AQP2: variants seen among roughly 807,000 people sequenced by gnomAD.
The protein encoded by AQP2 is aquaporin-2.
AQP2 carries 20 observed loss-of-function variants against 21.6 expected under a neutral mutation model. The observed-to-expected ratio is 0.92, with a 90% CI of 0.65 to 1.34. AQP2 has a LOEUF of 1.34. Among genes scored for constraint, AQP2 ranks in the 40% most tolerant of loss-of-function variants. The pLI is 0.00. For synonymous variants in AQP2, 168 were observed against 166.9 expected (o/e 1.01, Z -0.05); for missense variants, 325 against 363.4 (o/e 0.89, Z 0.86).
At position 49,957,658 on chromosome 12, in the gene AQP2, G is replaced by A. The variant is rs1947382287; in HGVS notation, c.*2050G>A. 1 of 152,216 alleles carries A rather than the reference G, an allele frequency of 6.6e-6. No individual in the cohort carries two copies. Among genetic ancestry groups the A allele is most frequent in the Admixed American group, 6.5e-5 (1 of 15,282 alleles). 9.4% of individuals were successfully genotyped at this position (152,216 alleles called of 1,614,324 possible). On this transcript the variant is annotated 3_prime_UTR_variant, in exon 4 of 4. Transcript: ENST00000199280. The stretch of plus-strand genomic sequence containing the variant: ...TGCCCTGGGCCATATGTGCTATGGA[G>A]AGGACTCTCCCAAACCCCCAATAGC...
chr12:49,951,261 AG>A, intron 1 of AQP2, 71 bp downstream of exon 1: 1 of 1,514,586 alleles, frequency 6.6e-7, no homozygotes, highest in Admixed American at 2.1e-5. Context: ...ATGAGATGGG[AG>A]GGATGGGCTC....
At position 49,955,574 on chromosome 12, in the gene AQP2, C is replaced by T. The variant is rs376000406; in HGVS notation, c.782C>T (p.Ser261Leu). ...CGGCGGCAGTCGGTGGAGCTGCACT[C>T]GCCGCAGAGCCTGCCACGGGGTACC... Reference protein sequence around the residue: ...VRRRQSVELHSPQSLPRGTKA With the variant: ...VRRRQSVELHLPQSLPRGTKA Residue 261 changes from serine (S) to leucine (L), a missense_variant, in exon 4 of 4, where the codon TCG (serine) becomes TTG (leucine). Transcript: ENST00000199280. 3.5e-5 allele frequency: 55 copies of T among 1,587,794 alleles called. No homozygotes were observed. Among genetic ancestry groups the T allele is most frequent in the African/African-American group, 5.4e-5 (4 of 74,440 alleles).
In AQP2 at chr12:49,954,209, C is replaced by T; in HGVS notation, c.415C>T (p.Leu139=). 2 of 1,603,298 alleles carry T rather than the reference C, an allele frequency of 1.2e-6. No homozygotes were observed. Among genetic ancestry groups the T allele is most frequent in the Non-Finnish European group, 1.7e-6 (2 of 1,179,970 alleles). ...GGTGACTGTGGAGCTCTTCCTGACA[C>T]TGCAGCTGGTGCTCTGCATCTTCGC... ...QAVTVELFLT[L]QLVLCIFAST... is the part of the protein sequence containing the mutation. The change falls in exon 2 of 4, where the codon CTG becomes TTG. Residue 139 remains leucine, a synonymous_variant. Coordinates refer to ENST00000199280, the MANE Select transcript of AQP2 (RefSeq NM_000486.6).
chr12:49,953,905 T>G lies in AQP2; in HGVS notation c.361-250T>G, dbSNP rs61926092. ...CTCCCAGCCTCAGGCCCCAATCTAA[T>G]GGGCTACAGAGTCAGTTTTGCTACC... On this transcript the variant is annotated intron_variant, in intron 1 of 3. Coordinates refer to ENST00000199280, the MANE Select transcript of AQP2 (RefSeq NM_000486.6). Among the ~76,000 whole-genome samples the G allele has an allele frequency of 0.19, 28,974 of 151,964 alleles. 3,047 individuals are homozygous for G. The highest frequency in any genetic ancestry group is 0.38 in the East Asian group (1,942 of 5,136).
chr12:49,951,384 C>A, intron 1 of AQP2, 194 bp downstream of exon 1: 1 of 784,230 alleles, frequency 1.3e-6, no homozygotes, highest in Non-Finnish European at 1.9e-6. Context: ...CAGAGCAAAG[C>A]AGGATGCAGA....
rs577861581 is a variant in AQP2, at chr12:49,956,571, C to T, written c.*963C>T. 2.6e-4 allele frequency: 40 copies of T among 152,254 alleles called. No individual in the cohort carries two copies. Among genetic ancestry groups the T allele is most frequent in the African/African-American group, 8.4e-4 (35 of 41,532 alleles). 9.4% of individuals were successfully genotyped at this position (152,254 alleles called of 1,614,324 possible). On this transcript the variant is annotated 3_prime_UTR_variant, in exon 4 of 4. Transcript: ENST00000199280. Reference sequence around the variant, plus strand: ...CCCAGAGATTAGCCTCCCACTTCGGCGCAGAAAACAAAAGCCCTTTGTGGG... The same window carrying T: ...CCCAGAGATTAGCCTCCCACTTCGGTGCAGAAAACAAAAGCCCTTTGTGGG...
rs1181198367 is a variant in AQP2 at position 49,954,330 on chromosome 12, G to A, written c.525+11G>A. ...GGCCACCTCCTTGGGGTAGGTCATG[G>A]CCATGGGTTCCAGCCTCCCTGGAGG... On this transcript the variant is annotated intron_variant, in intron 2 of 3. Transcript: ENST00000199280. The A allele has an allele frequency of 6.2e-7, 1 of 1,606,660 alleles. No individual in the cohort carries two copies. Among genetic ancestry groups the A allele is most frequent in the Admixed American group, 1.7e-5 (1 of 59,562 alleles).
intron 1 of AQP2, 66 bp from the exon 2 acceptor site, chr12:49,954,089 A>G: frequency 1.3e-6 from 2 of 1,589,986 alleles, no homozygotes; most frequent in African/African-American, 1.3e-5. Flanking sequence ...GCAGGTGGAC[A>G]GGAAGATGGA....
intron 3 of AQP2, 57 bp from the exon 4 acceptor site, chr12:49,955,342 G>A: frequency 1.9e-6 from 3 of 1,567,044 alleles, no homozygotes; most frequent in Non-Finnish European, 2.6e-6. Context: ...GGGGCCTGCG[G>A]GCTCCGCGTG....
intron 1 of AQP2, chr12:49,951,512 G>A: frequency 2.7e-6 from 1 of 363,688 alleles, no homozygotes. Context: ...AGGGGTTGGT[G>A]TCCCGAGCAG....
chr12:49,951,281 G>A, intron 1 of AQP2, 91 bp downstream of exon 1: 1 of 1,463,862 alleles, frequency 6.8e-7, no homozygotes, highest in Non-Finnish European at 9.1e-7. Flanking sequence ...TCTGGGTGAT[G>A]TAGGGAGAGA....
At chr12:49,954,779 A>G in intron 3 of AQP2, 69 bp downstream of exon 3, 1 of 1,524,842 alleles carries the variant, frequency 6.6e-7, no homozygotes, top group Non-Finnish European at 9.1e-7. Flanking sequence ...AAGAGCTGGA[A>G]TAGCATGGGA....
chr12:49,951,003 C>A lies in AQP2; in HGVS notation c.173C>A (p.Ala58Asp). 1 of 1,614,122 alleles carries A rather than the reference C, an allele frequency of 6.2e-7. No homozygotes were observed. The highest frequency in any genetic ancestry group is 8.5e-7 in the Non-Finnish European group (1 of 1,180,044). ...TTGGGTATTGGCACCCTGGTACAGG[C>A]TCTGGGCCACATAAGCGGGGCCCAC... ...FGLGIGTLVQ[A>D]LGHISGAHIN... Residue 58 changes from alanine (A) to aspartate (D), a missense_variant, in exon 1 of 4, where the codon GCT becomes GAT. Ala to Asp is a moderately radical substitution (Grantham distance 126). Coordinates refer to ENST00000199280, the MANE Select transcript of AQP2 (RefSeq NM_000486.6).
In AQP2 at chr12:49,955,729, C is replaced by G. The variant is rs75528468; in HGVS notation, c.*121C>G. The G allele has an allele frequency of 1.3e-3, 1,636 of 1,292,720 alleles. 14 individuals carry two copies. The African/African-American group carries it at 0.02, about 16-fold the overall frequency. 80.1% of individuals were successfully genotyped at this position (1,292,720 alleles called of 1,614,324 possible). On this transcript the variant is annotated 3_prime_UTR_variant, in exon 4 of 4. Coordinates refer to ENST00000199280, the MANE Select transcript of AQP2 (RefSeq NM_000486.6). ...GCCCCCCAGCGCAGAGTAGCTGCTT[C>G]CTGGACGTGCGCGCCCAGGCCAGTG...
In AQP2 at chr12:49,956,055, G is replaced by C. The variant is rs1252774602; in HGVS notation, c.*447G>C. On this transcript the variant is annotated 3_prime_UTR_variant, in exon 4 of 4. Coordinates refer to ENST00000199280, the MANE Select transcript of AQP2 (RefSeq NM_000486.6). The stretch of plus-strand genomic sequence containing the variant: ...AAGTTCTCTTTTGTCCTCACATGCA[G>C]AGTTGTGCATGCCCCTGAGTGTGAA... 3.5e-6 allele frequency: 1 copy of C among 284,640 alleles called. No homozygotes were observed. The highest frequency in any genetic ancestry group is 6.9e-6 in the Non-Finnish European group (1 of 144,990). The allele number at this position is 284,640 out of a possible 1,614,324, so 17.6% of individuals were successfully genotyped here.
intron 1 of AQP2, among the ~76,000 whole-genome samples, chr12:49,953,603 A>AG (rs1481716708): frequency 6.6e-6 from 1 of 152,226 alleles, no homozygotes; most frequent in Admixed American, 6.5e-5. Flanking sequence ...GACAAGGGTT[A>AG]GGGAAAGAGG....
At chr12:49,953,801 A>C (rs958066899) in intron 1 of AQP2, among the ~76,000 whole-genome samples, 5 of 152,226 alleles carry the variant, frequency 3.3e-5, no homozygotes. Flanking sequence ...TTCCTGAGGC[A>C]GTTGAAACCT....
chr12:49,955,650 G>C lies in AQP2; in HGVS notation c.*42G>C. 6.5e-7 allele frequency: 1 copy of C among 1,532,898 alleles called. No homozygotes were observed. The highest frequency in any genetic ancestry group is 8.7e-7 in the Non-Finnish European group (1 of 1,145,152). 95.0% of individuals were successfully genotyped at this position (1,532,898 alleles called of 1,614,324 possible). ...CTACGGCCCCGACGGACGCTTGTGAGGCCCGAGGCAGAAGGGCCCACCCCG... is the reference window on the plus strand; with the variant it reads ...CTACGGCCCCGACGGACGCTTGTGACGCCCGAGGCAGAAGGGCCCACCCCG... On this transcript the variant is annotated 3_prime_UTR_variant, in exon 4 of 4. Coordinates refer to ENST00000199280, the MANE Select transcript of AQP2 (RefSeq NM_000486.6).
rs138200476 is a variant in AQP2 at position 49,950,738 on chromosome 12, G to A, written c.-93G>A. 3.7e-5 allele frequency: 56 copies of A among 1,516,202 alleles called. No homozygotes were observed. Among genetic ancestry groups the A allele is most frequent in the Non-Finnish European group, 4.7e-5 (53 of 1,128,832 alleles). The allele number at this position is 1,516,202 out of a possible 1,614,324, so 93.9% of individuals were successfully genotyped here. On this transcript the variant is annotated 5_prime_UTR_variant, in exon 1 of 4. Coordinates refer to ENST00000199280, the MANE Select transcript of AQP2 (RefSeq NM_000486.6). ...ATGCCCACAACCCAGCCTCCCCAGA[G>A]GCCTTGAGAAAGAGAGCGATAGAGT...
Sources: gnomAD v4.1 joint callset for allele counts (sites outside exome capture counted in the v4.1 genomes callset) on GRCh38, gnomAD v4.1.1 for gene constraint, MANE v1.5 for transcripts, NCBI Gene and HGNC (gene_info 2026-07-23, HGNC 2026-07-21) for gene names.